RYK: variants seen among roughly 807,000 people sequenced by gnomAD.
The protein encoded by RYK is inactive tyrosine-protein kinase RYK.
A neutral mutation model predicts 70.2 loss-of-function variants in RYK; 21 were observed. The observed-to-expected ratio is 0.30, with a 90% confidence interval of 0.21 to 0.43. RYK has a LOEUF of 0.43. Ranked by LOEUF, RYK falls within the 20% of genes least tolerant of loss-of-function variation. RYK has a pLI of 1.00. For missense variants in RYK, 604 were observed against 753.3 expected (o/e 0.80, Z 2.32); for synonymous variants, 267 against 278.0 (o/e 0.96, Z 0.39).
chr3:134,164,899 T>C lies in RYK; in HGVS notation c.1576-5526A>G, dbSNP rs143767792. On this transcript the variant is annotated intron_variant, in intron 13 of 14. Transcript: ENST00000623711. ...CTTTCATATCCTTGTCAATATTTGG[T>C]ATGGTCAGACTTTTCAATTTTAGCC... 3.8e-3 allele frequency among the ~76,000 whole-genome samples: 585 copies of C among 152,360 alleles called. 15 individuals carry two copies. Among genetic ancestry groups the C allele is most frequent in the Admixed American group, 0.035 (529 of 15,306 alleles).
At chr3:134,184,209 ATTTTAG>A (rs1426623589) in intron 9 of RYK, among the ~76,000 whole-genome samples, 3 of 152,222 alleles carry the variant, frequency 2.0e-5, no homozygotes, top group Non-Finnish European at 1.5e-5. Context: ...GAATTATGCC[ATTTTAG>A]TTTTAGTTTC....
chr3:134,222,795 C>T (rs1032334034), intron 1 of RYK, among the ~76,000 whole-genome samples: 3 of 152,126 alleles, frequency 2.0e-5, no homozygotes, highest in Non-Finnish European at 4.4e-5. Context: ...CTAGATAGAA[C>T]TCTGGGAGCC....
chr3:134,195,803 G>A (rs761529383), intron 6 of RYK, among the ~76,000 whole-genome samples: 25 of 152,010 alleles, frequency 1.6e-4, no homozygotes, highest in Non-Finnish European at 3.1e-4. Flanking sequence ...AAAATTAGCC[G>A]GGCATGGTGA....
At chr3:134,209,327 C>A (rs747989872) in intron 4 of RYK, among the ~76,000 whole-genome samples, 1 of 152,208 alleles carries the variant, frequency 6.6e-6, no homozygotes, top group Non-Finnish European at 1.5e-5. Flanking sequence ...GTCTATCTCA[C>A]CCGAGAGCAA....
At chr3:134,160,016 C>T (rs915271770) in intron 13 of RYK, among the ~76,000 whole-genome samples, 6 of 151,824 alleles carry the variant, frequency 4.0e-5, no homozygotes, top group Non-Finnish European at 5.9e-5. Flanking sequence ...GTGCAGGGGG[C>T]GGGGGGCAGG....
At chr3:134,244,552 G>A (rs564962961) in intron 1 of RYK, among the ~76,000 whole-genome samples, 2 of 152,044 alleles carry the variant, frequency 1.3e-5, no homozygotes, top group African/African-American at 2.4e-5. Context: ...AGAAATGAAT[G>A]CCTACATTGC....
intron 10 of RYK, chr3:134,178,320 C>T (rs2013178130): frequency 2.8e-6 from 1 of 353,996 alleles, no homozygotes; most frequent in Non-Finnish European, 5.0e-6. Context: ...AAGTTGCTTC[C>T]TGTGGGCTGG....
Position 134,182,985 on chromosome 3 carries a change from G to A in RYK, c.1172+17C>T. On this transcript the variant is annotated intron_variant, in intron 10 of 14. Coordinates refer to ENST00000623711, the MANE Select transcript of RYK (RefSeq NM_002958.4). The stretch of plus-strand genomic sequence containing the variant: ...TGCCATGCTCAACACTGAAATGCTG[G>A]TGGTTTCTCCTCTCACCTGTGATGA... The A allele has an allele frequency of 6.5e-7, 1 of 1,541,796 alleles. No individual in the cohort carries two copies. The highest frequency in any genetic ancestry group is 8.8e-7 in the Non-Finnish European group (1 of 1,134,260).
Position 134,211,519 on chromosome 3 carries a change from C to T in RYK, c.443G>A (p.Arg148His), listed in dbSNP as rs372371526. Reference protein sequence around the residue: ...VNISVQGEVPRTLSVFRVELS... With the variant: ...VNISVQGEVPHTLSVFRVELS... ...AGACTCTTACTTACCTGATAAAGTG[C>T]GTGGAACTTCCCCCTGAACAGAAAT... The change falls in exon 3 of 15, where the codon CGC becomes CAC. Residue 148 changes from arginine to histidine, a missense_variant. Physicochemically the swap from Arg to His is conservative, Grantham distance 29. Transcript: ENST00000623711. The T allele has an allele frequency of 3.1e-6, 5 of 1,611,222 alleles. No homozygotes were observed. The highest frequency in any genetic ancestry group is 4.5e-5 in the East Asian group (2 of 44,862).
At chr3:134,189,348 G>A (rs778927519) in intron 8 of RYK, among the ~76,000 whole-genome samples, 11 of 152,140 alleles carry the variant, frequency 7.2e-5, no homozygotes, top group Non-Finnish European at 1.5e-5. Flanking sequence ...AGGCCAGGGA[G>A]TACAAGTTTT....
In RYK at chr3:134,248,796, C is replaced by G. The variant is rs1249471803; in HGVS notation, c.232+1627G>C. Among the ~76,000 whole-genome samples, 4 of 151,880 alleles carry G rather than the reference C, an allele frequency of 2.6e-5. No homozygotes were observed. The East Asian group carries it at 7.7e-4, about 29-fold the overall frequency. On this transcript the variant is annotated intron_variant, in intron 1 of 14. Coordinates refer to ENST00000623711, the MANE Select transcript of RYK (RefSeq NM_002958.4). ...CTGGGTGACAAGAGCGAGACTCCGT[C>G]TAAAAAAAAATTAACTGTGTGACCT...
chr3:134,191,136 C>A (rs1439029950), intron 8 of RYK, among the ~76,000 whole-genome samples: 1 of 152,162 alleles, frequency 6.6e-6, no homozygotes, highest in Non-Finnish European at 1.5e-5. Context: ...AAAAGTAATT[C>A]TCTATTTAAC....
intron 13 of RYK, among the ~76,000 whole-genome samples, chr3:134,161,179 A>G (rs2012459908): frequency 6.6e-6 from 1 of 152,246 alleles, no homozygotes; most frequent in South Asian, 2.1e-4. Context: ...TAATATACAG[A>G]GAAGTAAAAG....
chr3:134,186,763 A>G (rs546799070), intron 9 of RYK, among the ~76,000 whole-genome samples: 3 of 152,256 alleles, frequency 2.0e-5, no homozygotes, highest in African/African-American at 7.2e-5. Flanking sequence ...TCCAACCCTA[A>G]ATCAACCCAA....
At chr3:134,195,959 G>T (rs936492279) in intron 6 of RYK, among the ~76,000 whole-genome samples, 1 of 150,192 alleles carries the variant, frequency 6.7e-6, no homozygotes. Context: ...AAAAAAAAAA[G>T]TATCAAATTT....
chr3:134,249,731 T>C (rs952191350), intron 1 of RYK, among the ~76,000 whole-genome samples: 6 of 151,964 alleles, frequency 3.9e-5, no homozygotes, highest in African/African-American at 1.2e-4. Flanking sequence ...ACAGAGTCAG[T>C]CCAAACTCCC....
chr3:134,169,199 A>G (rs1427558701), intron 13 of RYK, among the ~76,000 whole-genome samples: 1 of 152,184 alleles, frequency 6.6e-6, no homozygotes, highest in African/African-American at 2.4e-5. Context: ...TTCTTAAGAA[A>G]ATGCTTCTTA....
intron 1 of RYK, among the ~76,000 whole-genome samples, chr3:134,225,468 C>T (rs2014881327): frequency 6.6e-6 from 1 of 151,430 alleles, no homozygotes; most frequent in Non-Finnish European, 1.5e-5. Flanking sequence ...AAAAGGGCTT[C>T]AAATATAGAA....
intron 1 of RYK, among the ~76,000 whole-genome samples, chr3:134,230,595 A>T (rs1486941449): frequency 6.6e-6 from 1 of 152,236 alleles, no homozygotes; most frequent in African/African-American, 2.4e-5. Flanking sequence ...CCACTTATAT[A>T]AAGTTATAGA....
Sources: allele counts gnomAD v4.1 joint callset (sites outside exome capture counted in the v4.1 genomes callset), GRCh38; gene constraint gnomAD v4.1.1; transcripts MANE v1.5; gene names NCBI Gene and HGNC (gene_info 2026-07-23, HGNC 2026-07-21).